CASZ1: variants seen among roughly 807,000 people sequenced by gnomAD.
CASZ1 encodes the protein castor zinc finger 1.
CASZ1 carries 28 observed loss-of-function variants against 135.2 expected under a neutral mutation model. The ratio of observed to expected loss-of-function variants is 0.21; its 90% CI spans 0.15 to 0.28. CASZ1 has a LOEUF of 0.28. Among genes scored for constraint, CASZ1 ranks in the 10% least tolerant of loss-of-function variants. The pLI, the probability that CASZ1 is intolerant of heterozygous loss-of-function variation, is 1.00. For missense variants in CASZ1, 2,161 were observed against 2,453.3 expected (o/e 0.88, Z 2.52); for synonymous variants, 1,068 against 1,073.4 (o/e 0.99, Z 0.10).
At chr1:10,665,030 C>A in intron 5 of CASZ1, 53 bp downstream of exon 5, 1 of 1,480,114 alleles carries the variant, frequency 6.8e-7, no homozygotes, top group South Asian at 1.4e-5. Context: ...GCCCCTTCCC[C>A]ACTGGCCTCC....
chr1:10,659,972 G>T lies in CASZ1; in HGVS notation c.1070C>A (p.Pro357His). 1 of 1,613,492 alleles carries T rather than the reference G, an allele frequency of 6.2e-7. No individual in the cohort carries two copies. The change falls in exon 6 of 21, where the codon CCC becomes CAC. Residue 357 changes from proline (P) to histidine (H), a missense_variant. By Grantham distance (77) the Pro-to-His change is moderately conservative (BLOSUM62 -2). This residue lies in a region of CASZ1 where 590 missense variants were observed against 609.8 expected (regional missense o/e 0.97). Transcript: ENST00000377022. ...GAAGGCGATGGCCCCGCCCATGTCG[G>T]GGCTGCCCTCCCCGGGTTTGAAGAG... is the stretch of plus-strand genomic sequence containing the variant. ...LHLFKPGEGS[P>H]DMGGAIAFKT...
intron 1 of CASZ1, among the ~76,000 whole-genome samples, chr1:10,769,913 C>T (rs187771168): frequency 5.9e-4 from 90 of 152,284 alleles, no homozygotes; most frequent in African/African-American, 1.7e-3. Context: ...GCAAGATCTA[C>T]GCTATCAGTA....
chr1:10,714,209 G>A (rs760831546), intron 2 of CASZ1, among the ~76,000 whole-genome samples: 1 of 152,204 alleles, frequency 6.6e-6, no homozygotes, highest in Non-Finnish European at 1.5e-5. Context: ...TGAGGAGGCT[G>A]AGGCAGGAGA....
intron 4 of CASZ1, among the ~76,000 whole-genome samples, chr1:10,681,442 G>C (rs1005083882): frequency 3.9e-5 from 6 of 152,148 alleles, no homozygotes; most frequent in Non-Finnish European, 5.9e-5. Flanking sequence ...CTCAGCGGCA[G>C]AAACTGCTCC....
rs2100244205 is a variant in CASZ1 at position 10,657,385 on chromosome 1, G to C, written c.1410-649C>G. On this transcript the variant is annotated intron_variant, in intron 7 of 20. Coordinates refer to ENST00000377022, the MANE Select transcript of CASZ1 (RefSeq NM_001079843.3). The surrounding 1 kb of genome is among the most constrained non-coding windows in gnomAD (Gnocchi z 5.7). ...GGCCGTGGGGAGGCCACTCTGGAGAGGCCACACCATGACGACTGTGGAGAA... is the reference window on the plus strand; with the variant it reads ...GGCCGTGGGGAGGCCACTCTGGAGACGCCACACCATGACGACTGTGGAGAA... 6.6e-6 allele frequency among the ~76,000 whole-genome samples: 1 copy of C among 152,308 alleles called. No homozygotes were observed. The highest frequency in any genetic ancestry group is 1.9e-4 in the East Asian group (1 of 5,160).
intron 4 of CASZ1, among the ~76,000 whole-genome samples, chr1:10,670,302 C>T (rs182222642): frequency 2.4e-4 from 36 of 152,328 alleles, no homozygotes; most frequent in African/African-American, 3.1e-4. Flanking sequence ...AAGCAAAGGC[C>T]GCGAGGCTGG....
At chr1:10,761,017 T>C (rs755815932) in intron 1 of CASZ1, among the ~76,000 whole-genome samples, 160 bp from the exon 2 acceptor site, 6 of 152,374 alleles carry the variant, frequency 3.9e-5, no homozygotes, top group Non-Finnish European at 5.9e-5. Context: ...AATCAGCAGA[T>C]GGCATTGCCA....
At chr1:10,645,851 T>G (rs1244514432) in intron 17 of CASZ1, among the ~76,000 whole-genome samples, 1 of 152,100 alleles carries the variant, frequency 6.6e-6, no homozygotes, top group African/African-American at 2.4e-5. Context: ...AGTTCCAGGA[T>G]AGGCAAGAAT....
intron 4 of CASZ1, among the ~76,000 whole-genome samples, chr1:10,673,674 C>T (rs1365812957): frequency 1.3e-5 from 2 of 152,198 alleles, no homozygotes; most frequent in African/African-American, 2.4e-5. Flanking sequence ...CTCAGCGATT[C>T]GTGGCCCATG....
At position 10,727,813 on chromosome 1, in the gene CASZ1, G is replaced by A. The variant is rs990611184; in HGVS notation, c.-76-22269C>T. On this transcript the variant is annotated intron_variant, in intron 2 of 20. Transcript: ENST00000377022. This position sits in a 1 kb window ranked among gnomAD's most constrained non-coding sequence, Gnocchi z 5.3. ...CCTCAGCCCTTGCCCAGACTGTGCC[G>A]ACCTGGGAACCTGTGGAGCCCCTGG... is the stretch of plus-strand genomic sequence containing the variant. Among the ~76,000 whole-genome samples the A allele has an allele frequency of 4.6e-5, 7 of 152,326 alleles. No individual in the cohort carries two copies. Among genetic ancestry groups the A allele is most frequent in the East Asian group, 1.9e-4 (1 of 5,178 alleles).
rs772782790 is a variant in CASZ1 at position 10,654,454 on chromosome 1, C to G, written c.1803G>C (p.Gln601His). 5 of 1,614,234 alleles carry G rather than the reference C, an allele frequency of 3.1e-6. No homozygotes were observed. In the South Asian group the frequency reaches 5.5e-5, roughly 18 times the overall value. Residue 601 changes from glutamine to histidine, a missense_variant, in exon 10 of 21, where the codon CAG becomes CAC. Around this residue, in one of 7 missense-constraint regions of CASZ1, gnomAD observed 248 missense variants for 410.8 expected, o/e 0.60. Coordinates refer to ENST00000377022, the MANE Select transcript of CASZ1 (RefSeq NM_001079843.3). ...AGTGCGTGGTCTTCTGTCCGTAGAACTGGCAGTCGGCTGTGCCACAGTCTT... is the reference window on the plus strand; with the variant it reads ...AGTGCGTGGTCTTCTGTCCGTAGAAGTGGCAGTCGGCTGTGCCACAGTCTT... ...ATEDCGTADC[Q>H]FYGQKTTHFH...
At position 10,653,928 on chromosome 1, in the gene CASZ1, A is replaced by G. The variant is rs954167525; in HGVS notation, c.2129T>C (p.Leu710Pro). The part of the protein sequence containing the change: ...SGALGLPPSL[L>P]GAKDTEHEES... ...CTCGTGCTCCGTGTCCTTGGCGCCC[A>G]GCAGCGAGGGCGGCAGCCCCAGCGC... The change falls in exon 11 of 21, where the codon CTG becomes CCG. Residue 710 changes from leucine to proline, a missense_variant. Leu to Pro is a moderately conservative substitution (Grantham distance 98). This residue lies in a region of CASZ1 where 248 missense variants were observed against 410.8 expected (regional missense o/e 0.60). Coordinates refer to ENST00000377022, the MANE Select transcript of CASZ1 (RefSeq NM_001079843.3). 1 of 1,613,586 alleles carries G rather than the reference A, an allele frequency of 6.2e-7. No individual in the cohort carries two copies. The highest frequency in any genetic ancestry group is 8.5e-7 in the Non-Finnish European group (1 of 1,179,734).
In CASZ1 at chr1:10,648,130, G is replaced by C. The variant is rs768457841; in HGVS notation, c.3168C>G (p.Phe1056Leu). Residue 1056 changes from phenylalanine to leucine, a missense_variant, in exon 16 of 21, where the codon TTC becomes TTG. By Grantham distance (22) the Phe-to-Leu change is conservative (BLOSUM62 0). Transcript: ENST00000377022. Reference protein sequence around the residue: ...DGAIKHANFHFRTEGGAAKGN... With the variant: ...DGAIKHANFHLRTEGGAAKGN... ...CTTTTGCTGCTCCTCCCTCTGTCCG[G>C]AAGTGGAAGCTGCGAGAGGTAGAAG... 2.4e-5 allele frequency: 36 copies of C among 1,520,766 alleles called. No individual in the cohort carries two copies. The South Asian group carries it at 4.5e-4, about 19-fold the overall frequency. The allele number at this position is 1,520,766 out of a possible 1,614,324, so 94.2% of individuals were successfully genotyped here. A position where few individuals can be genotyped will look rare whatever the true frequency, so the allele number is the denominator to read the frequency against.
Position 10,653,694 on chromosome 1 carries a change from A to G in CASZ1, c.2363T>C (p.Leu788Pro), listed in dbSNP as rs1187838976. The G allele has an allele frequency of 1.3e-6, 2 of 1,577,860 alleles. No individual in the cohort carries two copies. The highest frequency in any genetic ancestry group is 1.7e-6 in the Non-Finnish European group (2 of 1,161,940). ...GGGCAGGCCCGAGTTGGAGAGGGCC[A>G]GGGCCAGGGGGATTGAGCCAGGCAG... ...QGLPGSIPLALALSNSGLPTP... is the reference protein window; with the variant it reads ...QGLPGSIPLAPALSNSGLPTP... Residue 788 changes from leucine (L) to proline (P), a missense_variant, in exon 11 of 21, where the codon CTG (leucine) becomes CCG (proline). Coordinates refer to ENST00000377022, the MANE Select transcript of CASZ1 (RefSeq NM_001079843.3).
chr1:10,647,607 G>A lies in CASZ1; in HGVS notation c.3497+194C>T. 1 of 1,445,644 alleles carries A rather than the reference G, an allele frequency of 6.9e-7. No homozygotes were observed. Among genetic ancestry groups the A allele is most frequent in the East Asian group, 2.5e-5 (1 of 39,876 alleles). The allele number at this position is 1,445,644 out of a possible 1,614,324, so 89.6% of individuals were successfully genotyped here. On this transcript the variant is annotated intron_variant, in intron 16 of 20. Transcript: ENST00000377022. This position sits in a 1 kb window ranked among gnomAD's most constrained non-coding sequence, Gnocchi z 4.9. Reference sequence around the variant, plus strand: ...ACCATCGGCCCACGCGGGCTGGCCTGCTCTGGGACAGGCAGTGAGGTAGGA... The same window carrying A: ...ACCATCGGCCCACGCGGGCTGGCCTACTCTGGGACAGGCAGTGAGGTAGGA...
Position 10,647,313 on chromosome 1 carries a change from G to T in CASZ1, c.3497+488C>A. 1 of 1,005,128 alleles carries T rather than the reference G, an allele frequency of 9.9e-7. No homozygotes were observed. The highest frequency in any genetic ancestry group is 1.2e-6 in the Non-Finnish European group (1 of 840,934). 62.3% of individuals were successfully genotyped at this position (1,005,128 alleles called of 1,614,324 possible). ...GCAAGGAGCCACCACCATCCAGTGA[G>T]GAGGGTCCCTTCCACCCAAGAGCTC... is the stretch of plus-strand genomic sequence containing the variant. On this transcript the variant is annotated intron_variant, in intron 16 of 20. Transcript: ENST00000377022. The surrounding 1 kb of genome is among the most constrained non-coding windows in gnomAD (Gnocchi z 4.9).
At chr1:10,787,891 C>T (rs189284661) in intron 1 of CASZ1, among the ~76,000 whole-genome samples, 3 of 152,296 alleles carry the variant, frequency 2.0e-5, no homozygotes, top group Non-Finnish European at 2.9e-5. Context: ...CACACATCCC[C>T]TTTAAAAGCT....
At position 10,721,732 on chromosome 1, in the gene CASZ1, C is replaced by T. The variant is rs1051842175; in HGVS notation, c.-76-16188G>A. Among the ~76,000 whole-genome samples, 2 of 152,244 alleles carry T rather than the reference C, an allele frequency of 1.3e-5. No homozygotes were observed. Among genetic ancestry groups the T allele is most frequent in the African/African-American group, 4.8e-5 (2 of 41,460 alleles). Reference sequence around the variant, plus strand: ...CCTGCAAACCAGGAAGTGGACGGCCCCAGCCTCTATCGGATCTGGCAGGCC... The same window carrying T: ...CCTGCAAACCAGGAAGTGGACGGCCTCAGCCTCTATCGGATCTGGCAGGCC... On this transcript the variant is annotated intron_variant, in intron 2 of 20. Transcript: ENST00000377022. The surrounding 1 kb of genome is among the most constrained non-coding windows in gnomAD (Gnocchi z 5.4).
chr1:10,752,091 G>A (rs576458569), intron 2 of CASZ1, among the ~76,000 whole-genome samples: 1 of 152,318 alleles, frequency 6.6e-6, no homozygotes, highest in South Asian at 2.1e-4. Flanking sequence ...CCCTCCCCAA[G>A]GAGCTAGCAC....
Sources: gnomAD v4.1 joint callset for allele counts (sites outside exome capture counted in the v4.1 genomes callset) on GRCh38, gnomAD v4.1.1 for gene constraint, gnomAD v4.1.1 regional missense constraint, Gnocchi (gnomAD v3.1) non-coding constraint, MANE v1.5 for transcripts, NCBI Gene and HGNC (gene_info 2026-07-23, HGNC 2026-07-21) for gene names.